Variants in PHLDB1 observed in about 807,000 individuals in gnomAD.
The protein encoded by PHLDB1 is pleckstrin homology like domain family B member 1.
A neutral mutation model predicts 139.3 loss-of-function variants in PHLDB1; 65 were observed. The observed-to-expected ratio is 0.47, with a 90% CI of 0.38 to 0.57. The LOEUF (loss-of-function observed/expected upper bound fraction) is 0.57, where lower values mean the gene tolerates loss of function less well. PHLDB1 is among the 20% of genes least tolerant of loss of function. PHLDB1 has a pLI of 0.00. For missense variants in PHLDB1, 1,624 were observed against 1,839.7 expected (o/e 0.88, Z 2.14); for synonymous variants, 679 against 734.5 (o/e 0.92, Z 1.22).
Position 118,617,969 on chromosome 11 carries a change from TCATC to T in PHLDB1, c.355+1759_355+1762del, listed in dbSNP as rs1555091154. Among the ~76,000 whole-genome samples the T allele has an allele frequency of 5.3e-5, 8 of 152,216 alleles. No homozygotes were observed. In the South Asian group the frequency reaches 1.7e-3, roughly 32 times the overall value. ...CACCCCCGCCCCAAACCCATCACATTCATCGGTAAGAACATTGTTCCCCTGCATG... is the reference window on the plus strand; with the variant it reads ...CACCCCCGCCCCAAACCCATCACATTGGTAAGAACATTGTTCCCCTGCATG... On this transcript the variant is annotated intron_variant, in intron 4 of 22. Transcript: ENST00000600882.
rs1555087324 is a variant in PHLDB1, at chr11:118,614,682, G to A, written c.184G>A (p.Gly62Arg). 1 of 1,613,612 alleles carries A rather than the reference G, an allele frequency of 6.2e-7. No individual in the cohort carries two copies. ...TAITLLPLEE[G>R]RTVIGSAARD... The stretch of plus-strand genomic sequence containing the variant: ...CATCACCCTCCTGCCGCTGGAGGAA[G>A]GTAAGTGTGAACAGGGCATCTCACT... The change falls in exon 3 of 23, where the codon GGG (glycine) becomes AGG (arginine). Residue 62 changes from glycine (G) to arginine (R), a missense_variant and splice_region_variant. Gly to Arg is a moderately radical substitution (Grantham distance 125). Transcript: ENST00000600882.
chr11:118,656,603 A>T, intron 22 of PHLDB1, 80 bp from the exon 23 acceptor site: 1 of 1,408,856 alleles, frequency 7.1e-7, no homozygotes, highest in African/African-American at 1.4e-5. Context: ...GGGAGGGGAA[A>T]GGGCAGATAG....
chr11:118,632,141 C>T lies in PHLDB1; in HGVS notation c.2242-18C>T, dbSNP rs1555111661. On this transcript the variant is annotated intron_variant, in intron 8 of 22. Transcript: ENST00000600882. The surrounding 1 kb of genome is among the most constrained non-coding windows in gnomAD (Gnocchi z 5.9). ...CACAGTCAGCTGCTTTGATGGGGAC[C>T]CTGGTGTCTGCCCCCAGGCCGAAAT... 8 of 1,613,840 alleles carry T rather than the reference C, an allele frequency of 5.0e-6. No individual in the cohort carries two copies. The East Asian group carries it at 1.8e-4, about 36-fold the overall frequency.
In PHLDB1 at chr11:118,627,479, C is replaced by T. The variant is rs782154741; in HGVS notation, c.656C>T (p.Thr219Ile). The change falls in exon 6 of 23, where the codon ACC (threonine) becomes ATC (isoleucine). Residue 219 changes from threonine to isoleucine, a missense_variant. Physicochemically the swap from Thr to Ile is moderately conservative, Grantham distance 89 (BLOSUM62 -1). Coordinates refer to ENST00000600882, the MANE Select transcript of PHLDB1 (RefSeq NM_001144758.3). ...GCTGCTGGCAAGAAGCCTGCCGCAA[C>T]CTCTCCACTGTCACCGATGGCTAAT... ...PGAAGKKPAATSPLSPMANGG... is the reference protein window; with the variant it reads ...PGAAGKKPAAISPLSPMANGG... 1 of 1,614,228 alleles carries T rather than the reference C, an allele frequency of 6.2e-7. No homozygotes were observed. Among genetic ancestry groups the T allele is most frequent in the Non-Finnish European group, 8.5e-7 (1 of 1,180,034 alleles).
chr11:118,616,221 G>T lies in PHLDB1; in HGVS notation c.355+10G>T. The T allele has an allele frequency of 6.2e-7, 1 of 1,612,678 alleles. No individual in the cohort carries two copies. Among genetic ancestry groups the T allele is most frequent in the East Asian group, 2.2e-5 (1 of 44,878 alleles). On this transcript the variant is annotated intron_variant, in intron 4 of 22. Coordinates refer to ENST00000600882, the MANE Select transcript of PHLDB1 (RefSeq NM_001144758.3). ...ACCCGGCTCACTCAGGGTAAGGCTG[G>T]ACACCTCCAGATGGAGGGGGCCTCT...
chr11:118,614,503 AG>A, intron 2 of PHLDB1, 55 bp from the exon 3 acceptor site: 2 of 1,599,964 alleles, frequency 1.3e-6, no homozygotes, highest in East Asian at 4.5e-5. Context: ...TGACTGGTTT[AG>A]GGTGGTAAGG....
chr11:118,650,813 TGG>T lies in PHLDB1; in HGVS notation c.3874+267_3874+268del. On this transcript the variant is annotated intron_variant, in intron 20 of 22. Transcript: ENST00000600882. The surrounding 1 kb of genome is among the most constrained non-coding windows in gnomAD (Gnocchi z 4.7). ...TTCTAGGCTCTGGTGATGAGTAAGA[TGG>T]CCACAGCGCTCTCATGGAGCTTATA... is the stretch of plus-strand genomic sequence containing the variant. The T allele has an allele frequency of 6.0e-6, 3 of 498,102 alleles. No homozygotes were observed. The highest frequency in any genetic ancestry group is 4.6e-5 in the South Asian group (2 of 43,258). 30.9% of individuals were successfully genotyped at this position (498,102 alleles called of 1,614,324 possible).
Position 118,643,802 on chromosome 11 carries a change from TTACCGCTCCAAGATGGA to T in PHLDB1, c.2882_2898del (p.Tyr961TrpfsTer36). The T allele has an allele frequency of 6.2e-7, 1 of 1,614,082 alleles. No homozygotes were observed. The highest frequency in any genetic ancestry group is 8.5e-7 in the Non-Finnish European group (1 of 1,179,986). Reference sequence around the variant, plus strand: ...TGGGCACTATCTTTTCTTTCCAGGTTTACCGCTCCAAGATGGATGGCGAGGCCACCAGCCCCCTTCCC... The same window carrying T: ...TGGGCACTATCTTTTCTTTCCAGGTTTGGCGAGGCCACCAGCCCCCTTCCC... On this transcript the variant is annotated frameshift_variant, in exon 14 of 23. Transcript: ENST00000600882. LOFTEE classifies it high-confidence loss of function.
rs1555125834 is a variant in PHLDB1, at chr11:118,645,106, A to G, written c.3122-250A>G. On this transcript the variant is annotated intron_variant, in intron 15 of 22. Transcript: ENST00000600882. This position sits in a 1 kb window ranked among gnomAD's most constrained non-coding sequence, Gnocchi z 5.1. Reference sequence around the variant, plus strand: ...ACTACTTGGGTAGGTTTGGTGTCCTATATGGACTCAGGGTGCGAAAGAGCA... The same window carrying G: ...ACTACTTGGGTAGGTTTGGTGTCCTGTATGGACTCAGGGTGCGAAAGAGCA... 4.3e-6 allele frequency: 2 copies of G among 462,034 alleles called. No individual in the cohort carries two copies. The highest frequency in any genetic ancestry group is 2.0e-5 in the African/African-American group (1 of 49,818). The allele number at this position is 462,034 out of a possible 1,614,324, so 28.6% of individuals were successfully genotyped here.
intron 18 of PHLDB1, among the ~76,000 whole-genome samples, chr11:118,649,311 G>C (rs1281185740): frequency 6.6e-6 from 1 of 151,848 alleles, no homozygotes; most frequent in Non-Finnish European, 1.5e-5. Context: ...AAGAAGCTCT[G>C]TGAATTTTAC....
intron 9 of PHLDB1, chr11:118,634,164 T>C (rs1016706149): frequency 2.6e-5 from 4 of 151,752 alleles, no homozygotes; most frequent in African/African-American, 9.7e-5. Context: ...AGAGGTGTCA[T>C]CTCACCCCAG....
chr11:118,642,545 A>C (rs1279348281), intron 13 of PHLDB1, 151 bp downstream of exon 13: 3 of 908,710 alleles, frequency 3.3e-6, no homozygotes, highest in Non-Finnish European at 4.9e-6. Context: ...TGAGAGGGTC[A>C]CTCCTTGGGC....
intron 18 of PHLDB1, among the ~76,000 whole-genome samples, chr11:118,649,552 G>A (rs934521015): frequency 5.3e-5 from 8 of 152,084 alleles, no homozygotes; most frequent in African/African-American, 1.7e-4. Context: ...GTTCTTCTGG[G>A]ACAGGAAGAG....
In PHLDB1 at chr11:118,632,402, C is replaced by A; in HGVS notation, c.2379+106C>A. 1 of 1,171,422 alleles carries A rather than the reference C, an allele frequency of 8.5e-7. No homozygotes were observed. The highest frequency in any genetic ancestry group is 1.2e-6 in the Non-Finnish European group (1 of 810,396). 72.6% of individuals were successfully genotyped at this position (1,171,422 alleles called of 1,614,324 possible). ...ACCCTTCACCTCATCATCCATTCTG[C>A]AGTACAAGTGGTCTCTGTGGCTTTC... On this transcript the variant is annotated intron_variant, in intron 9 of 22. Coordinates refer to ENST00000600882, the MANE Select transcript of PHLDB1 (RefSeq NM_001144758.3). This position sits in a 1 kb window ranked among gnomAD's most constrained non-coding sequence, Gnocchi z 5.9.
At chr11:118,644,682 G>A (rs1555125283) in intron 15 of PHLDB1, 4 of 1,289,564 alleles carry the variant, frequency 3.1e-6, no homozygotes, top group East Asian at 1.1e-4. Context: ...CCCAACCGAC[G>A]ACCCAGCAGG....
chr11:118,614,283 C>T (rs559531851), intron 2 of PHLDB1, among the ~76,000 whole-genome samples: 1 of 129,642 alleles, frequency 7.7e-6, no homozygotes, highest in East Asian at 2.8e-4. Context: ...CACCCCCACC[C>T]CCCACCCCTT....
At chr11:118,629,782 G>C (rs969730046) in intron 6 of PHLDB1, among the ~76,000 whole-genome samples, 7 of 152,150 alleles carry the variant, frequency 4.6e-5, no homozygotes, top group Non-Finnish European at 8.8e-5. Context: ...CTGGAGAGGG[G>C]GCAGTGAGCC....
At chr11:118,624,838 G>T in intron 4 of PHLDB1, 96 bp from the exon 5 acceptor site, 4 of 1,307,484 alleles carry the variant, frequency 3.1e-6, no homozygotes, top group Non-Finnish European at 4.4e-6. Context: ...TCCAACTCCC[G>T]ACCTCAGGTG....
chr11:118,622,337 G>T (rs1942990611), intron 4 of PHLDB1, among the ~76,000 whole-genome samples: 1 of 152,220 alleles, frequency 6.6e-6, no homozygotes, highest in Admixed American at 6.5e-5. Context: ...TCAGGGCAAT[G>T]CCTGAAGCTT....
Sources: allele counts gnomAD v4.1 joint callset (sites outside exome capture counted in the v4.1 genomes callset), GRCh38; gene constraint gnomAD v4.1.1; non-coding constraint Gnocchi (gnomAD v3.1); transcripts MANE v1.5; gene names NCBI Gene and HGNC (gene_info 2026-07-23, HGNC 2026-07-21).